SLC26A3: variants seen among roughly 807,000 people sequenced by gnomAD.
The protein encoded by SLC26A3 is solute carrier family 26 member 3.
SLC26A3 carries 64 observed loss-of-function variants against 85.6 expected under a neutral mutation model. The ratio of observed to expected loss-of-function variants is 0.75; its 90% confidence interval spans 0.61 to 0.92. The LOEUF (loss-of-function observed/expected upper bound fraction) is 0.92. Ranked by LOEUF, SLC26A3 falls within the 40% of genes least tolerant of loss-of-function variation. The probability of loss-of-function intolerance (pLI) is 0.00; values close to 1 mark genes in which losing one functional copy is unlikely to be tolerated. For synonymous variants in SLC26A3, 349 were observed against 336.0 expected (o/e 1.04, Z -0.42); for missense variants, 922 against 927.3 (o/e 0.99, Z 0.07).
At chr7:107,778,444 A>G (rs1237687183) in intron 12 of SLC26A3, among the ~76,000 whole-genome samples, 163 bp from the exon 13 acceptor site, 1 of 145,602 alleles carries the variant, frequency 6.9e-6, no homozygotes. Context: ...GTGGAAGTTG[A>G]AAGTTGTCAT....
intron 11 of SLC26A3, among the ~76,000 whole-genome samples, chr7:107,782,487 C>T (rs1794228799): frequency 6.6e-6 from 1 of 152,158 alleles, no homozygotes; most frequent in Admixed American, 6.5e-5. Flanking sequence ...AAAACCTCTA[C>T]TCAGTCCATG....
At chr7:107,779,961 C>T (rs539535379) in intron 11 of SLC26A3, among the ~76,000 whole-genome samples, 198 bp from the exon 12 acceptor site, 42 of 152,130 alleles carry the variant, frequency 2.8e-4, no homozygotes, top group Non-Finnish European at 4.9e-4. Context: ...ATGACTTTGT[C>T]CCCACAACAG....
chr7:107,799,487 T>A (rs1417226747), intron 1 of SLC26A3, among the ~76,000 whole-genome samples: 1 of 151,974 alleles, frequency 6.6e-6, no homozygotes, highest in East Asian at 1.9e-4. Flanking sequence ...ACCTTCTGGG[T>A]TCAAGTGATT....
At chr7:107,777,335 C>G (rs1794133590) in intron 13 of SLC26A3, among the ~76,000 whole-genome samples, 1 of 152,214 alleles carries the variant, frequency 6.6e-6, no homozygotes, top group African/African-American at 2.4e-5. Context: ...TGGCTCATGA[C>G]TGTAATCCCA....
chr7:107,785,256 T>C (rs1372370409), intron 8 of SLC26A3, among the ~76,000 whole-genome samples: 1 of 152,228 alleles, frequency 6.6e-6, no homozygotes, highest in Non-Finnish European at 1.5e-5. Context: ...GCCAAGAACA[T>C]TGAGGCACAG....
intron 15 of SLC26A3, among the ~76,000 whole-genome samples, chr7:107,775,464 C>A: frequency 6.6e-6 from 1 of 152,032 alleles, no homozygotes; most frequent in East Asian, 1.9e-4. Context: ...GTGGCTGAAG[C>A]CTCTAATCCT....
In SLC26A3 at chr7:107,778,174, C is replaced by A; in HGVS notation, c.1514+1G>T. The A allele has an allele frequency of 6.2e-7, 1 of 1,608,874 alleles. No homozygotes were observed. The highest frequency in any genetic ancestry group is 8.5e-7 in the Non-Finnish European group (1 of 1,175,488). ...GGATGCAGAGCACTTTGAGCACTCA[C>A]AATTGGGTCCTGAACACGATGGTTA... is the stretch of plus-strand genomic sequence containing the variant. On this transcript the variant is annotated splice_donor_variant, in intron 13 of 20. Coordinates refer to ENST00000340010, the MANE Select transcript of SLC26A3 (RefSeq NM_000111.3). LOFTEE classifies it high-confidence loss of function.
rs1562876888 is a variant in SLC26A3, at chr7:107,778,248, CAATGGTG to C, written c.1434_1440del (p.Phe478LeufsTer7). The C allele has an allele frequency of 6.2e-7, 1 of 1,611,202 alleles. No individual in the cohort carries two copies. ...GCCAGGCCTAACCCGAGTCCCAGGA[CAATGGTG>C]AAGATGAAGGTCATGATCCAAATTA... On this transcript the variant is annotated frameshift_variant, in exon 13 of 21. Coordinates refer to ENST00000340010, the MANE Select transcript of SLC26A3 (RefSeq NM_000111.3). LOFTEE classifies it high-confidence loss of function.
At chr7:107,779,860 G>C in intron 11 of SLC26A3, 97 bp from the exon 12 acceptor site, 1 of 999,422 alleles carries the variant, frequency 1.0e-6, no homozygotes, top group Non-Finnish European at 1.6e-6. Context: ...GCTTTAAAGG[G>C]CCTCAAAGCA....
At chr7:107,783,444 G>A in intron 8 of SLC26A3, 92 bp from the exon 9 acceptor site, 1 of 1,432,968 alleles carries the variant, frequency 7.0e-7, no homozygotes, top group Non-Finnish European at 9.8e-7. Context: ...TGCAATCTAG[G>A]CTGAGTTGTG....
rs768844239 is a variant in SLC26A3 at position 107,783,229 on chromosome 7, G to A, written c.1095C>T (p.Tyr365=). 2.1e-5 allele frequency: 34 copies of A among 1,614,164 alleles called. No individual in the cohort carries two copies. The highest frequency in any genetic ancestry group is 6.7e-5 in the Admixed American group (4 of 60,014). ...FSVASVYSLK[Y]DYPLDGNQEL... ...CCTGATTGCCATCAAGTGGATAATC[G>A]TATTTGAGGGAATAGACGCTGGCAA... Residue 365 remains tyrosine, a synonymous_variant, in exon 9 of 21, where the codon TAC becomes TAT. Transcript: ENST00000340010.
At chr7:107,770,647 A>G (rs552705360) in intron 18 of SLC26A3, among the ~76,000 whole-genome samples, 102 of 152,320 alleles carry the variant, frequency 6.7e-4, no homozygotes, top group African/African-American at 2.4e-3. Context: ...CTATGAGACT[A>G]TAAGCTTCAT....
At chr7:107,769,502 C>T (rs1193353382) in intron 18 of SLC26A3, among the ~76,000 whole-genome samples, 3 of 152,128 alleles carry the variant, frequency 2.0e-5, no homozygotes, top group Non-Finnish European at 4.4e-5. Context: ...TGCATATTCT[C>T]ACTTATAAGT....
At position 107,789,371 on chromosome 7, in the gene SLC26A3, C is replaced by T. The variant is rs533642561; in HGVS notation, c.735+153G>A. 3.9e-5 allele frequency among the ~76,000 whole-genome samples: 6 copies of T among 152,008 alleles called. No homozygotes were observed. In the South Asian group the frequency reaches 8.3e-4, roughly 21 times the overall value. On this transcript the variant is annotated intron_variant, in intron 6 of 20. Coordinates refer to ENST00000340010, the MANE Select transcript of SLC26A3 (RefSeq NM_000111.3). ...TCCTGATCTCGTGATCCGCCCGCCT[C>T]GGCCTCCCAAAGTGCTGCTTTCTTT...
Position 107,792,477 on chromosome 7 carries a change from T to C in SLC26A3, c.272-537A>G, listed in dbSNP as rs375687391. Among the ~76,000 whole-genome samples the C allele has an allele frequency of 4.7e-3, 709 of 152,140 alleles. 8 individuals are homozygous for C. Among genetic ancestry groups the C allele is most frequent in the African/African-American group, 0.016 (680 of 41,504 alleles). ...AGATTCTCATAAGGAGCATGCAACC[T>C]AGATCCCTTGCGTGCACAGTTCACG... is the stretch of plus-strand genomic sequence containing the variant. On this transcript the variant is annotated intron_variant, in intron 3 of 20. Coordinates refer to ENST00000340010, the MANE Select transcript of SLC26A3 (RefSeq NM_000111.3).
At chr7:107,796,115 A>ATTC (rs1324184821) in intron 1 of SLC26A3, among the ~76,000 whole-genome samples, 13 of 151,198 alleles carry the variant, frequency 8.6e-5, no homozygotes, top group Non-Finnish European at 1.5e-5. Flanking sequence ...TATTATTATT[A>ATTC]TTATTATTAT....
intron 18 of SLC26A3, 98 bp downstream of exon 18, chr7:107,771,956 T>C (rs766638849): frequency 2.4e-4 from 198 of 816,450 alleles, no homozygotes; most frequent in Non-Finnish European, 3.6e-4. Flanking sequence ...ATCATGATTA[T>C]ATAAAATACT....
chr7:107,775,147 A>G (rs187346310), intron 15 of SLC26A3, among the ~76,000 whole-genome samples: 2 of 152,210 alleles, frequency 1.3e-5, no homozygotes, highest in Non-Finnish European at 2.9e-5. Context: ...CATAAACTCT[A>G]TTTGAATCTG....
chr7:107,781,836 T>C (rs749110794), intron 11 of SLC26A3, among the ~76,000 whole-genome samples: 1 of 152,168 alleles, frequency 6.6e-6, no homozygotes, highest in Non-Finnish European at 1.5e-5. Flanking sequence ...GTGGGCTGTA[T>C]CATATCTCTA....
Sources: allele counts gnomAD v4.1 joint callset (sites outside exome capture counted in the v4.1 genomes callset), GRCh38; gene constraint gnomAD v4.1.1; transcripts MANE v1.5; gene names NCBI Gene and HGNC (gene_info 2026-07-23, HGNC 2026-07-21).